CLSTN2: variants seen among roughly 807,000 people sequenced by gnomAD.
CLSTN2 encodes the protein calsyntenin 2, also known as calsyntenin-2.
In CLSTN2, 48 loss-of-function variants were observed where a neutral mutation model predicts 101.2. The observed-to-expected ratio is 0.47, with a 90% confidence interval of 0.38 to 0.60. The LOEUF (loss-of-function observed/expected upper bound fraction) is 0.60. Among genes scored for constraint, CLSTN2 ranks in the 20% least tolerant of loss-of-function variants. The pLI, the probability that CLSTN2 is intolerant of heterozygous loss-of-function variation, is 0.00. For synonymous variants in CLSTN2, 481 were observed against 463.6 expected (o/e 1.04, Z -0.48); for missense variants, 1,160 against 1,238.2 (o/e 0.94, Z 0.95).
Position 140,562,892 on chromosome 3 carries a change from G to A in CLSTN2, c.2294G>A (p.Arg765Gln), listed in dbSNP as rs766718816. The A allele has an allele frequency of 4.0e-5, 65 of 1,614,074 alleles. No homozygotes were observed. Among genetic ancestry groups the A allele is most frequent in the Middle Eastern group, 1.7e-4 (1 of 6,056 alleles). Reference protein sequence around the residue: ...RNWRPASLEARRFRIKCSELN... With the variant: ...RNWRPASLEAQRFRIKCSELN... ...TGGCGTCCGGCTTCCCTTGAGGCCCGGCGTTTCCGGATTAAGTGCTCAGAA... is the reference window on the plus strand; with the variant it reads ...TGGCGTCCGGCTTCCCTTGAGGCCCAGCGTTTCCGGATTAAGTGCTCAGAA... Residue 765 changes from arginine (R) to glutamine (Q), a missense_variant, in exon 14 of 17, where the codon CGG becomes CAG. Arg to Gln is a conservative substitution (Grantham distance 43). Transcript: ENST00000458420.
intron 1 of CLSTN2, among the ~76,000 whole-genome samples, chr3:140,139,368 G>T (rs939189): frequency 0.69 from 105,231 of 152,188 alleles, 40,678 homozygotes; most frequent in East Asian, 0.9. Context: ...TAATGAGCCA[G>T]CTTCACACCT....
At chr3:140,175,532 C>T (rs771275248) in intron 1 of CLSTN2, among the ~76,000 whole-genome samples, 1 of 152,132 alleles carries the variant, frequency 6.6e-6, no homozygotes, top group Non-Finnish European at 1.5e-5. Flanking sequence ...GTAGTAACTG[C>T]TAGTTTATTG....
At chr3:140,518,230 T>C (rs995908625) in intron 8 of CLSTN2, among the ~76,000 whole-genome samples, 1 of 152,212 alleles carries the variant, frequency 6.6e-6, no homozygotes, top group South Asian at 2.1e-4. Flanking sequence ...GCCTGCCAGC[T>C]GAGAAAGCAA....
chr3:140,294,356 A>G (rs2086982900), intron 2 of CLSTN2, among the ~76,000 whole-genome samples: 1 of 152,208 alleles, frequency 6.6e-6, no homozygotes, highest in Admixed American at 6.5e-5. Context: ...ACAAAGGTTT[A>G]TTTCTTACTC....
intron 2 of CLSTN2, among the ~76,000 whole-genome samples, chr3:140,392,177 A>T (rs1444851335): frequency 6.6e-6 from 1 of 151,262 alleles, no homozygotes; most frequent in Non-Finnish European, 1.5e-5. Flanking sequence ...TACTCAAATT[A>T]TACAAATAAT....
intron 1 of CLSTN2, among the ~76,000 whole-genome samples, chr3:140,154,627 G>A (rs1346068639): frequency 6.7e-6 from 1 of 149,628 alleles, no homozygotes; most frequent in Non-Finnish European, 1.5e-5. Flanking sequence ...GAGAGAGAGA[G>A]GGGAAGTATC....
At chr3:140,375,820 T>C (rs778263641) in intron 2 of CLSTN2, among the ~76,000 whole-genome samples, 5 of 152,208 alleles carry the variant, frequency 3.3e-5, no homozygotes, top group Non-Finnish European at 5.9e-5. Context: ...CTTTATTGTC[T>C]TTTTTGCTCT....
At chr3:140,092,509 G>A (rs1365978283) in intron 1 of CLSTN2, among the ~76,000 whole-genome samples, 6 of 152,168 alleles carry the variant, frequency 3.9e-5, no homozygotes, top group Non-Finnish European at 5.9e-5. Context: ...AGAGGCTTAG[G>A]GTCTTGCTAA....
At chr3:140,421,342 C>A in intron 5 of CLSTN2, 68 bp downstream of exon 5, 1 of 1,558,386 alleles carries the variant, frequency 6.4e-7, no homozygotes, top group South Asian at 1.2e-5. Context: ...GTGTACTTGT[C>A]CTCAAATCAT....
chr3:140,190,257 T>C (rs997964032), intron 2 of CLSTN2, among the ~76,000 whole-genome samples: 13 of 152,084 alleles, frequency 8.5e-5, no homozygotes, highest in Admixed American at 1.3e-4. Flanking sequence ...GATTCTCTTC[T>C]CTCATCCATT....
chr3:140,368,624 C>T (rs1363126094), intron 2 of CLSTN2, among the ~76,000 whole-genome samples: 3 of 152,164 alleles, frequency 2.0e-5, no homozygotes, highest in Non-Finnish European at 4.4e-5. Context: ...ACTTAGGCAT[C>T]CTTCCTGCTT....
chr3:140,175,855 T>C (rs4305391), intron 1 of CLSTN2, 96 bp from the exon 2 acceptor site: 374,125 of 1,170,258 alleles, frequency 0.32, 63,249 homozygotes, highest in African/African-American at 0.49. Flanking sequence ...TGGATGAGAG[T>C]CTATGATTGG....
At chr3:140,025,167 C>T (rs2007393022) in intron 1 of CLSTN2, among the ~76,000 whole-genome samples, 1 of 152,182 alleles carries the variant, frequency 6.6e-6, no homozygotes, top group African/African-American at 2.4e-5. Context: ...GTGACCCCAG[C>T]ATTGTTACCC....
chr3:139,984,845 TGAA>T (rs1935995335), intron 1 of CLSTN2, among the ~76,000 whole-genome samples: 1 of 152,206 alleles, frequency 6.6e-6, no homozygotes, highest in Admixed American at 6.5e-5. Flanking sequence ...GGATCCTAAC[TGAA>T]TATCTCAAAG....
chr3:140,563,247 T>C (rs757282856), intron 15 of CLSTN2, 44 bp downstream of exon 15: 42 of 1,595,996 alleles, frequency 2.6e-5, no homozygotes, highest in Middle Eastern at 1.8e-4. Context: ...CAGGTCGTCA[T>C]TGTGACTCAA....
chr3:140,235,574 G>T (rs1056114312), intron 2 of CLSTN2, among the ~76,000 whole-genome samples: 2 of 152,210 alleles, frequency 1.3e-5, no homozygotes, highest in Non-Finnish European at 2.9e-5. Context: ...CTTCTGGTTT[G>T]CTATGACTGA....
intron 2 of CLSTN2, among the ~76,000 whole-genome samples, chr3:140,247,058 A>G (rs1032903618): frequency 1.3e-5 from 2 of 152,154 alleles, no homozygotes; most frequent in Admixed American, 1.3e-4. Context: ...TGGGTTTATG[A>G]AGTCTCCTCT....
intron 8 of CLSTN2, among the ~76,000 whole-genome samples, chr3:140,468,869 AAGCTGTC>A (rs1202465980): frequency 1.3e-5 from 2 of 152,234 alleles, no homozygotes; most frequent in African/African-American, 4.8e-5. Context: ...CATTTTGCTC[AAGCTGTC>A]CTATTCTTTG....
In CLSTN2 at chr3:140,288,530, T is replaced by A. The variant is rs1195919804; in HGVS notation, c.232+112457T>A. Among the ~76,000 whole-genome samples, 5 of 152,132 alleles carry A rather than the reference T, an allele frequency of 3.3e-5. No individual in the cohort carries two copies. In the East Asian group the frequency reaches 9.6e-4, roughly 29 times the overall value. On this transcript the variant is annotated intron_variant, in intron 2 of 16. Transcript: ENST00000458420. ...AAAAGTGCAGCTAATTGAGACACTT[T>A]TATTCCCTCAGTATTTTAGCAGAAT...
Sources: gnomAD v4.1 joint callset for allele counts (sites outside exome capture counted in the v4.1 genomes callset) on GRCh38, gnomAD v4.1.1 for gene constraint, MANE v1.5 for transcripts, NCBI Gene and HGNC (gene_info 2026-07-23, HGNC 2026-07-21) for gene names.